ZBBX: variants seen among roughly 807,000 people sequenced by gnomAD.
ZBBX encodes the protein zinc finger B-box domain-containing protein 1.
Under a neutral mutation model 108.5 loss-of-function variants are expected in ZBBX, and 101 were observed. The observed-to-expected ratio is 0.93, with a 90% CI of 0.79 to 1.10. ZBBX has a LOEUF of 1.10. Among genes scored for constraint, ZBBX ranks in the 50% least tolerant of loss-of-function variants. The pLI is 0.00. For missense variants in ZBBX, 1,009 were observed against 941.4 expected (o/e 1.07, Z -0.94); for synonymous variants, 356 against 323.4 (o/e 1.10, Z -1.08).
the ZBBX span, among the ~76,000 whole-genome samples, chr3:167,194,179 G>A: frequency 6.7e-6 from 1 of 149,778 alleles, no homozygotes; most frequent in Admixed American, 6.7e-5. Flanking sequence ...CAAATACCCT[G>A]ATTAATTATT....
intron 9 of ZBBX, among the ~76,000 whole-genome samples, chr3:167,343,470 G>C (rs1740909867): frequency 2.0e-5 from 3 of 151,534 alleles, no homozygotes; most frequent in African/African-American, 7.3e-5. Flanking sequence ...CCCTTCCCTA[G>C]CTTTTCTTAG....
chr3:167,402,960 G>A (rs1748472231), intron 1 of ZBBX, among the ~76,000 whole-genome samples: 1 of 152,058 alleles, frequency 6.6e-6, no homozygotes, highest in South Asian at 2.1e-4. Flanking sequence ...AAATCAAGCA[G>A]TCAAATATAC....
chr3:167,332,937 AG>A (rs1302497040), intron 10 of ZBBX, among the ~76,000 whole-genome samples: 1 of 152,144 alleles, frequency 6.6e-6, no homozygotes, highest in Non-Finnish European at 1.5e-5. Flanking sequence ...TAAAATATTT[AG>A]GGCAGTGTCT....
At chr3:167,275,430 C>A (rs748664339) in intron 20 of ZBBX, among the ~76,000 whole-genome samples, 2 of 152,108 alleles carry the variant, frequency 1.3e-5, no homozygotes, top group South Asian at 2.1e-4. Flanking sequence ...GCGCACTGTG[C>A]GCGAGCCGAA....
chr3:167,352,992 A>C (rs1040920716), intron 8 of ZBBX, among the ~76,000 whole-genome samples: 1 of 152,134 alleles, frequency 6.6e-6, no homozygotes. Flanking sequence ...AAAAGTCATA[A>C]GACAACAAAC....
intron 4 of ZBBX, among the ~76,000 whole-genome samples, chr3:167,370,299 T>C (rs1745955815): frequency 6.6e-6 from 1 of 152,096 alleles, no homozygotes; most frequent in Non-Finnish European, 1.5e-5. Flanking sequence ...CAGAAGTAGG[T>C]GACTGATTAG....
At chr3:167,406,162 A>G (rs1560218688) in intron 1 of ZBBX, among the ~76,000 whole-genome samples, 2 of 152,242 alleles carry the variant, frequency 1.3e-5, no homozygotes, top group South Asian at 4.1e-4. Context: ...CTTCAGAGAC[A>G]ATAGTCTTCA....
Position 167,313,991 on chromosome 3 carries a change from T to C in ZBBX, c.1400A>G (p.Tyr467Cys). The change falls in exon 16 of 22, where the codon TAT (tyrosine) becomes TGT (cysteine). Residue 467 changes from tyrosine (Y) to cysteine (C), a missense_variant. By Grantham distance (194) the Tyr-to-Cys change is radical. Coordinates refer to ENST00000675490, the MANE Select transcript of ZBBX (RefSeq NM_001199201.2). ...NLCLRNSSTYYKDNSKAETSN... is the reference protein window; with the variant it reads ...NLCLRNSSTYCKDNSKAETSN... ...AATGTTACCTTTTGAATTATCTTTA[T>C]AATAAGTAGAGCTGTTTCTCAGACA... The C allele has an allele frequency of 6.3e-7, 1 of 1,591,036 alleles. No homozygotes were observed.
intron 10 of ZBBX, among the ~76,000 whole-genome samples, chr3:167,332,420 A>C (rs1158817099): frequency 6.6e-6 from 1 of 152,174 alleles, no homozygotes. Flanking sequence ...ATGGTTTTTA[A>C]GTTAAGACAA....
chr3:167,209,425 G>A, the ZBBX span, among the ~76,000 whole-genome samples: 1 of 152,178 alleles, frequency 6.6e-6, no homozygotes, highest in South Asian at 2.1e-4. Context: ...AGTTAGGGAA[G>A]AAAATGAGAG....
intron 8 of ZBBX, among the ~76,000 whole-genome samples, chr3:167,355,191 T>A (rs1743337062): frequency 6.6e-6 from 1 of 151,996 alleles, no homozygotes; most frequent in African/African-American, 2.4e-5. Context: ...AAGTGGAACT[T>A]TTGGGCTTCG....
At chr3:167,389,771 C>T (rs1352468554) in intron 1 of ZBBX, among the ~76,000 whole-genome samples, 1 of 151,870 alleles carries the variant, frequency 6.6e-6, no homozygotes, top group Admixed American at 6.6e-5. Context: ...ACACAAATAT[C>T]TTCTGTTGAG....
intron 1 of ZBBX, chr3:167,401,487 G>T (rs549038400): frequency 6.6e-6 from 1 of 152,154 alleles, no homozygotes; most frequent in Non-Finnish European, 1.5e-5. Context: ...AGCCCGGAAG[G>T]CTGCTGGTTG....
chr3:167,379,525 T>A (rs906681888), intron 2 of ZBBX, 113 bp downstream of exon 2: 1 of 152,160 alleles, frequency 6.6e-6, no homozygotes, highest in African/African-American at 2.4e-5. Context: ...AAGCATACAG[T>A]TTGTATAATT....
At chr3:167,393,483 T>C (rs1265967768) in intron 1 of ZBBX, among the ~76,000 whole-genome samples, 3 of 151,824 alleles carry the variant, frequency 2.0e-5, no homozygotes, top group African/African-American at 7.2e-5. Flanking sequence ...CTTATTTGGG[T>C]TTATTTATCA....
chr3:167,313,519 G>A (rs1576970023), intron 16 of ZBBX, among the ~76,000 whole-genome samples: 1 of 152,116 alleles, frequency 6.6e-6, no homozygotes, highest in East Asian at 1.9e-4. Flanking sequence ...CTGACTTCAG[G>A]TGATCCACCC....
the ZBBX span, among the ~76,000 whole-genome samples, chr3:167,189,367 T>C: frequency 1.3e-5 from 2 of 152,290 alleles, no homozygotes; most frequent in African/African-American, 2.4e-5. Flanking sequence ...TATGAAAATA[T>C]GTGCCTTCCA....
chr3:167,316,692 A>G (rs1285159546), intron 14 of ZBBX, among the ~76,000 whole-genome samples: 1 of 152,128 alleles, frequency 6.6e-6, no homozygotes, highest in Admixed American at 6.6e-5. Flanking sequence ...ACTTGATAAC[A>G]TAGAGAACTA....
chr3:167,348,554 T>C (rs1340728746), intron 9 of ZBBX, among the ~76,000 whole-genome samples: 1 of 151,962 alleles, frequency 6.6e-6, no homozygotes, highest in Non-Finnish European at 1.5e-5. Context: ...GGAGACTATT[T>C]CAAAATGTGT....
Sources: allele counts gnomAD v4.1 joint callset (sites outside exome capture counted in the v4.1 genomes callset), GRCh38; gene constraint gnomAD v4.1.1; transcripts MANE v1.5; gene names NCBI Gene and HGNC (gene_info 2026-07-23, HGNC 2026-07-21).